Variants in GID8 observed in about 807,000 individuals in gnomAD.
GID8 encodes glucose-induced degradation protein 8 homolog.
Under a neutral mutation model 27.4 loss-of-function variants are expected in GID8, and 6 were observed. The observed-to-expected ratio is 0.22, with a 90% CI of 0.12 to 0.43. The LOEUF is 0.43. Ranked by LOEUF, GID8 falls within the 20% of genes least tolerant of loss-of-function variation. The probability of loss-of-function intolerance (pLI) is 1.00; values close to 1 mark genes in which losing one functional copy is unlikely to be tolerated. For missense variants in GID8, 173 were observed against 287.6 expected, an observed-to-expected ratio of 0.60 and a Z score of 2.88; for synonymous variants, 112 against 109.0, an observed-to-expected ratio of 1.03 and a Z score of -0.17.
At position 62,947,539 on chromosome 20, in the gene GID8, G is replaced by A. The variant is rs2065471530; in HGVS notation, c.*2627G>A. The stretch of plus-strand genomic sequence containing the variant: ...TTGAAATAAAATGTGAGAGTATTCT[G>A]GTACTCTGTGTTCCAGATGCATGAA... On this transcript the variant is annotated 3_prime_UTR_variant, in exon 5 of 5. Transcript: ENST00000266069. The A allele has an allele frequency of 6.6e-6, 1 of 152,576 alleles. No homozygotes were observed. The highest frequency in any genetic ancestry group is 2.1e-4 in the South Asian group (1 of 4,830). The allele number at this position is 152,576 out of a possible 1,614,324, so 9.5% of individuals were successfully genotyped here.
intron 1 of GID8, chr20:62,938,575 A>G (rs2065418705): frequency 6.6e-6 from 1 of 152,110 alleles, no homozygotes; most frequent in Non-Finnish European, 1.5e-5. Flanking sequence ...AAGTCTTTTT[A>G]ATAAAATCTG....
chr20:62,943,119 C>T lies in GID8; in HGVS notation c.251C>T (p.Ala84Val). 1 of 1,614,088 alleles carries T rather than the reference C, an allele frequency of 6.2e-7. No individual in the cohort carries two copies. Among genetic ancestry groups the T allele is most frequent in the Non-Finnish European group, 8.5e-7 (1 of 1,179,922 alleles). ...AAAGGTCAGATTCAGGAGGCCATCG[C>T]CTTGATCAACAGCCTCCACCCAGAG... ...ILKGQIQEAI[A>V]LINSLHPELL... The change falls in exon 3 of 5, where the codon GCC (alanine) becomes GTC (valine). Residue 84 changes from alanine (A) to valine (V), a missense_variant. Coordinates refer to ENST00000266069, the MANE Select transcript of GID8 (RefSeq NM_017896.3). The surrounding 1 kb of genome is among the most constrained non-coding windows in gnomAD (Gnocchi z 4.7).
At position 62,945,103 on chromosome 20, in the gene GID8, C is replaced by T. The variant is rs1601073445; in HGVS notation, c.*191C>T. 1.7e-5 allele frequency: 24 copies of T among 1,397,368 alleles called. No individual in the cohort carries two copies. Among genetic ancestry groups the T allele is most frequent in the Admixed American group, 3.0e-5 (1 of 33,494 alleles). The allele number at this position is 1,397,368 out of a possible 1,614,324, so 86.6% of individuals were successfully genotyped here. The stretch of plus-strand genomic sequence containing the variant: ...GTGGAAAACTTGCAAGGAAAGCTGC[C>T]GTCTCTTTGGCAGTCTGATGCAGAG... On this transcript the variant is annotated 3_prime_UTR_variant, in exon 5 of 5. Coordinates refer to ENST00000266069, the MANE Select transcript of GID8 (RefSeq NM_017896.3).
rs886315793 is a variant in GID8 at position 62,947,256 on chromosome 20, T to G, written c.*2344T>G. 2.0e-5 allele frequency: 3 copies of G among 152,264 alleles called. No homozygotes were observed. Among genetic ancestry groups the G allele is most frequent in the Non-Finnish European group, 4.4e-5 (3 of 68,048 alleles). The allele number at this position is 152,264 out of a possible 1,614,324, so 9.4% of individuals were successfully genotyped here. ...TCCGATGTTACTGCCTGCCTTCCTT[T>G]CGTGTGAGGGGCTGCACTTGCTTTT... is the stretch of plus-strand genomic sequence containing the variant. On this transcript the variant is annotated 3_prime_UTR_variant, in exon 5 of 5. Transcript: ENST00000266069.
Position 62,943,540 on chromosome 20 carries a change from G to T in GID8, c.361G>T (p.Ala121Ser). 1.2e-6 allele frequency: 2 copies of T among 1,613,012 alleles called. No homozygotes were observed. The highest frequency in any genetic ancestry group is 1.7e-6 in the Non-Finnish European group (2 of 1,180,008). Residue 121 changes from alanine (A) to serine (S), a missense_variant, in exon 4 of 5, where the codon GCG (alanine) becomes TCG (serine). Coordinates refer to ENST00000266069, the MANE Select transcript of GID8 (RefSeq NM_017896.3). The surrounding 1 kb of genome is among the most constrained non-coding windows in gnomAD (Gnocchi z 4.7). ...GATCCGCCAGCGGGAGACAGAGGCG[G>T]CGCTGGAGTTTGCACAGACTCAGCT... ...ELIRQRETEA[A>S]LEFAQTQLAE...
chr20:62,941,785 T>A (rs1197484677), intron 2 of GID8, among the ~76,000 whole-genome samples, 165 bp downstream of exon 2: 1 of 152,238 alleles, frequency 6.6e-6, no homozygotes, highest in Non-Finnish European at 1.5e-5. Flanking sequence ...TGTGAAAGCC[T>A]TTTCTGAAGA....
Position 62,938,244 on chromosome 20 carries a change from G to T in GID8, c.-22G>T, listed in dbSNP as rs2065414615. ...CCAGACCGCGCAGCGCGGGAGGCAG[G>T]TTCCGCACGGTAAGATGGCGGCGGC... On this transcript the variant is annotated 5_prime_UTR_variant, in exon 1 of 5. Coordinates refer to ENST00000266069, the MANE Select transcript of GID8 (RefSeq NM_017896.3). The T allele has an allele frequency of 6.5e-6, 1 of 154,566 alleles. No homozygotes were observed. The highest frequency in any genetic ancestry group is 1.4e-5 in the Non-Finnish European group (1 of 69,908). 9.6% of individuals were successfully genotyped at this position (154,566 alleles called of 1,614,324 possible). A position where few individuals can be genotyped will look rare whatever the true frequency, so the allele number is the denominator to read the frequency against.
intron 1 of GID8, chr20:62,938,857 C>T (rs893981671): frequency 6.6e-6 from 1 of 152,098 alleles, no homozygotes; most frequent in Non-Finnish European, 1.5e-5. Context: ...TAACGTTGGT[C>T]CTAGGGCCGG....
Position 62,943,375 on chromosome 20 carries a change from C to T in GID8, c.316-120C>T, listed in dbSNP as rs2295481. The T allele has an allele frequency of 0.2, 210,808 of 1,055,834 alleles. 22,157 individuals are homozygous for T. The highest frequency in any genetic ancestry group is 0.32 in the East Asian group (13,095 of 41,238). 65.4% of individuals were successfully genotyped at this position (1,055,834 alleles called of 1,614,324 possible). ...TGTTTTAAAAATGCAAATTTGATAA[C>T]TCAGAGATGCAAGAAAAGTCTTCCC... On this transcript the variant is annotated intron_variant, in intron 3 of 4. Transcript: ENST00000266069. This position sits in a 1 kb window ranked among gnomAD's most constrained non-coding sequence, Gnocchi z 4.7.
At chr20:62,942,673 G>A (rs1055703933) in intron 2 of GID8, among the ~76,000 whole-genome samples, 9 of 152,134 alleles carry the variant, frequency 5.9e-5, no homozygotes, top group Admixed American at 2.0e-4. Context: ...GGCTGCTGGC[G>A]TCTGGACCTA....
rs775991928 is a variant in GID8, at chr20:62,944,772, T to G, written c.547T>G (p.Tyr183Asp). Residue 183 changes from tyrosine to aspartate, a missense_variant, in exon 5 of 5, where the codon TAT (tyrosine) becomes GAT (aspartate). By Grantham distance (160) the Tyr-to-Asp change is radical. Coordinates refer to ENST00000266069, the MANE Select transcript of GID8 (RefSeq NM_017896.3). ...TGAAGTTAACCAAGCTGTGCTAGATTATGAAAATCGCGAGTCAACACCCAA... is the reference window on the plus strand; with the variant it reads ...TGAAGTTAACCAAGCTGTGCTAGATGATGAAAATCGCGAGTCAACACCCAA... ...WSEVNQAVLD[Y>D]ENRESTPKLA... 4.3e-6 allele frequency: 7 copies of G among 1,613,998 alleles called. No homozygotes were observed. In the Admixed American group the frequency reaches 1.0e-4, roughly 23 times the overall value.
Position 62,943,613 on chromosome 20 carries a change from G to T in GID8, c.434G>T (p.Arg145Leu). ...CGAGAGTGCCTCACAGAGATGGAGCGTACCCTGGCACTGCTGGCCTTTGAC... is the reference window on the plus strand; with the variant it reads ...CGAGAGTGCCTCACAGAGATGGAGCTTACCCTGGCACTGCTGGCCTTTGAC... ...ESRECLTEME[R>L]TLALLAFDSP... Residue 145 changes from arginine (R) to leucine (L), a missense_variant, in exon 4 of 5, where the codon CGT becomes CTT. By Grantham distance (102) the Arg-to-Leu change is moderately radical (BLOSUM62 -2). Transcript: ENST00000266069. This position sits in a 1 kb window ranked among gnomAD's most constrained non-coding sequence, Gnocchi z 4.7. 3 of 1,613,792 alleles carry T rather than the reference G, an allele frequency of 1.9e-6. No individual in the cohort carries two copies. The highest frequency in any genetic ancestry group is 2.5e-6 in the Non-Finnish European group (3 of 1,179,946).
intron 1 of GID8, chr20:62,938,830 T>C (rs1457296337): frequency 6.6e-6 from 1 of 152,048 alleles, no homozygotes; most frequent in Non-Finnish European, 1.5e-5. Flanking sequence ...AAAAGGTGCC[T>C]TTTCCTAGGG....
In GID8 at chr20:62,943,453, C is replaced by A. The variant is rs768571769; in HGVS notation, c.316-42C>A. 6.3e-7 allele frequency: 1 copy of A among 1,576,480 alleles called. No homozygotes were observed. ...GGTACCACCTGCCCTAAGTCCCTGG[C>A]CTGGGTGTGTGGGGGTCAAGCTTGT... On this transcript the variant is annotated intron_variant, in intron 3 of 4. Transcript: ENST00000266069. The surrounding 1 kb of genome is among the most constrained non-coding windows in gnomAD (Gnocchi z 4.7).
chr20:62,944,920 G>C lies in GID8; in HGVS notation c.*8G>C. The C allele has an allele frequency of 6.2e-7, 1 of 1,605,916 alleles. No homozygotes were observed. The highest frequency in any genetic ancestry group is 2.3e-5 in the East Asian group (1 of 44,318). ...ATTGAGGAGCCCAAGTAGCGCCTGCGCTTGCGTGGTGGATCCAACACCAGC... is the reference window on the plus strand; with the variant it reads ...ATTGAGGAGCCCAAGTAGCGCCTGCCCTTGCGTGGTGGATCCAACACCAGC... On this transcript the variant is annotated 3_prime_UTR_variant, in exon 5 of 5. Coordinates refer to ENST00000266069, the MANE Select transcript of GID8 (RefSeq NM_017896.3).
Position 62,945,356 on chromosome 20 carries a change from GTTTT to G in GID8, c.*454_*457del, listed in dbSNP as rs11479536. On this transcript the variant is annotated 3_prime_UTR_variant, in exon 5 of 5. Coordinates refer to ENST00000266069, the MANE Select transcript of GID8 (RefSeq NM_017896.3). ...TTTTCCTTACCCCTGTGGTTTTTGT[GTTTT>G]TTTTTTTTTCTTTTTCCATAGGAAA... is the stretch of plus-strand genomic sequence containing the variant. 9 of 831,154 alleles carry G rather than the reference GTTTT, an allele frequency of 1.1e-5. No individual in the cohort carries two copies. In the South Asian group the frequency reaches 3.8e-4, roughly 35 times the overall value. The allele number at this position is 831,154 out of a possible 1,614,324, so 51.5% of individuals were successfully genotyped here.
Position 62,944,822 on chromosome 20 carries a change from A to T in GID8, c.597A>T (p.Leu199=), listed in dbSNP as rs1446518283. 1 of 1,614,166 alleles carries T rather than the reference A, an allele frequency of 6.2e-7. No individual in the cohort carries two copies. Among genetic ancestry groups the T allele is most frequent in the East Asian group, 2.2e-5 (1 of 44,890 alleles). ...TPKLAKLLKL[L]LWAQNELDQK... ...AACTGGCAAAATTACTGAAACTACT[A>T]CTTTGGGCTCAGAACGAGCTGGACC... Residue 199 remains leucine (L), a synonymous_variant, in exon 5 of 5, where the codon CTA becomes CTT. Coordinates refer to ENST00000266069, the MANE Select transcript of GID8 (RefSeq NM_017896.3).
At position 62,945,057 on chromosome 20, in the gene GID8, G is replaced by A. The variant is rs1012698369; in HGVS notation, c.*145G>A. ...TTTTGACCTGGCATCTTTTTATAGGGAAAAATGGCCTTTGTAGGCAGTGGA... is the reference window on the plus strand; with the variant it reads ...TTTTGACCTGGCATCTTTTTATAGGAAAAAATGGCCTTTGTAGGCAGTGGA... On this transcript the variant is annotated 3_prime_UTR_variant, in exon 5 of 5. Transcript: ENST00000266069. The A allele has an allele frequency of 1.8e-5, 25 of 1,426,082 alleles. No individual in the cohort carries two copies. Among genetic ancestry groups the A allele is most frequent in the Admixed American group, 5.8e-5 (2 of 34,650 alleles). The allele number at this position is 1,426,082 out of a possible 1,614,324, so 88.3% of individuals were successfully genotyped here. A position where few individuals can be genotyped will look rare whatever the true frequency, so the allele number is the denominator to read the frequency against.
In GID8 at chr20:62,943,950, C is replaced by T. The variant is rs2065455077; in HGVS notation, c.513+258C>T. On this transcript the variant is annotated intron_variant, in intron 4 of 4. Transcript: ENST00000266069. This position sits in a 1 kb window ranked among gnomAD's most constrained non-coding sequence, Gnocchi z 4.7. The stretch of plus-strand genomic sequence containing the variant: ...TCCTGTGTTCAAGCGATTCTCCTGC[C>T]TCTGCCTCCCAAGTAGCTGGGACTA... Among the ~76,000 whole-genome samples the T allele has an allele frequency of 1.3e-5, 2 of 151,974 alleles. No homozygotes were observed. The highest frequency in any genetic ancestry group is 4.8e-5 in the African/African-American group (2 of 41,378).
Sources: gnomAD v4.1 joint callset for allele counts (sites outside exome capture counted in the v4.1 genomes callset) on GRCh38, gnomAD v4.1.1 for gene constraint, Gnocchi (gnomAD v3.1) non-coding constraint, MANE v1.5 for transcripts, NCBI Gene and HGNC (gene_info 2026-07-23, HGNC 2026-07-21) for gene names.